The following DOP1B variants were observed in gnomAD, a reference collection of about 807,000 sequenced individuals.
DOP1B encodes the protein DOP1 leucine zipper like protein B.
In DOP1B, 174 loss-of-function variants were observed where a neutral mutation model predicts 233.5. The ratio of observed to expected loss-of-function variants is 0.75; its 90% CI spans 0.66 to 0.85. The LOEUF is 0.85. Among genes scored for constraint, DOP1B ranks in the 40% least tolerant of loss-of-function variants. The pLI, the probability that DOP1B is intolerant of heterozygous loss-of-function variation, is 0.00. For synonymous variants in DOP1B, 1,190 were observed against 1,185.6 expected, an observed-to-expected ratio of 1.00 and a Z score of -0.08; for missense variants, 2,652 against 2,846.6, an observed-to-expected ratio of 0.93 and a Z score of 1.56.
intron 2 of DOP1B, among the ~76,000 whole-genome samples, chr21:36,165,567 G>A (rs570028162): frequency 3.3e-5 from 5 of 152,274 alleles, no homozygotes; most frequent in South Asian, 2.1e-4. Flanking sequence ...GAACCGGGAC[G>A]CACAGCAGGA....
Position 36,208,898 on chromosome 21 carries a change from A to G in DOP1B, c.675A>G (p.Gln225=), listed in dbSNP as rs1484142145. The G allele has an allele frequency of 2.0e-6, 3 of 1,524,466 alleles. No homozygotes were observed. Among genetic ancestry groups the G allele is most frequent in the East Asian group, 4.9e-5 (2 of 41,106 alleles). The allele number at this position is 1,524,466 out of a possible 1,614,324, so 94.4% of individuals were successfully genotyped here. A position where few individuals can be genotyped will look rare whatever the true frequency, so the allele number is the denominator to read the frequency against. ...EQKYMLGTNH[Q]LTVKSLRASL... is the part of the protein sequence containing the mutation. ...AGTACATGCTGGGGACCAATCACCA[A>G]CTCACGGTGGGTGCTGTGTTCCTCA... Residue 225 remains glutamine (Q), a synonymous_variant, in exon 5 of 37, where the codon CAA becomes CAG. Coordinates refer to ENST00000691173, the MANE Select transcript of DOP1B (RefSeq NM_001320714.2).
chr21:36,262,891 A>T (rs11908713), intron 24 of DOP1B, among the ~76,000 whole-genome samples: 26,046 of 147,880 alleles, frequency 0.18, 3,141 homozygotes, highest in African/African-American at 0.33. Context: ...ACTCTATCTT[A>T]AAAAACAATA....
intron 2 of DOP1B, among the ~76,000 whole-genome samples, chr21:36,182,784 G>C (rs1479732472): frequency 6.6e-6 from 1 of 152,176 alleles, no homozygotes; most frequent in African/African-American, 2.4e-5. Context: ...AGCCATGTTT[G>C]CACAACTGTC....
rs78154894 is a variant in DOP1B, at chr21:36,242,151, C to CATTATTATTATTATTATTATT, written c.3067+2215_3067+2235dup. 5.2e-4 allele frequency among the ~76,000 whole-genome samples: 75 copies of CATTATTATTATTATTATTATT among 143,952 alleles called. 1 individual carries two copies. Among genetic ancestry groups the CATTATTATTATTATTATTATT allele is most frequent in the African/African-American group, 1.0e-3 (39 of 38,902 alleles). The allele number at this position is 143,952 out of a possible 152,430, so 94.4% of individuals were successfully genotyped here. ...AGCTCTATCTCCACAGTTCCTTGGG[C>CATTATTATTATTATTATTATT]ATTATTATTATTATTATTATTATTA... is the stretch of plus-strand genomic sequence containing the variant. On this transcript the variant is annotated intron_variant, in intron 18 of 36. Transcript: ENST00000691173.
At chr21:36,200,565 C>T (rs780706144) in intron 4 of DOP1B, 64 bp downstream of exon 4, 11 of 1,514,144 alleles carry the variant, frequency 7.3e-6, no homozygotes, top group East Asian at 2.3e-5. Context: ...GGGAGGGGGC[C>T]GGGCGCAGTG....
chr21:36,275,225 A>G (rs994658547), intron 27 of DOP1B, among the ~76,000 whole-genome samples: 2 of 152,192 alleles, frequency 1.3e-5, no homozygotes, highest in South Asian at 4.1e-4. Flanking sequence ...AAATTAATTC[A>G]AGAGAGAGGA....
At chr21:36,241,293 C>CA (rs796961195) in intron 18 of DOP1B, among the ~76,000 whole-genome samples, 71 of 143,844 alleles carry the variant, frequency 4.9e-4, no homozygotes, top group East Asian at 3.0e-3. Context: ...GACTCCATCT[C>CA]AAAAAAAAAA....
intron 12 of DOP1B, among the ~76,000 whole-genome samples, chr21:36,227,466 G>C (rs1261964657): frequency 2.6e-5 from 4 of 151,422 alleles, no homozygotes; most frequent in Non-Finnish European, 4.4e-5. Context: ...AGAATGGCGT[G>C]AACCCGGGAG....
intron 4 of DOP1B, among the ~76,000 whole-genome samples, chr21:36,204,658 ATT>A (rs56725433): frequency 1.8e-4 from 21 of 115,144 alleles, no homozygotes; most frequent in African/African-American, 4.4e-4. Context: ...TGACATTTCT[ATT>A]TTTTTTTTTT....
At chr21:36,222,935 A>G (rs1239771445) in intron 10 of DOP1B, among the ~76,000 whole-genome samples, 1 of 152,028 alleles carries the variant, frequency 6.6e-6, no homozygotes, top group East Asian at 1.9e-4. Context: ...GGGTTTCACC[A>G]TGTTGGTCAA....
chr21:36,207,613 A>G (rs2066444691), intron 4 of DOP1B, among the ~76,000 whole-genome samples: 1 of 151,162 alleles, frequency 6.6e-6, no homozygotes, highest in African/African-American at 2.4e-5. Flanking sequence ...CAGATGTTAA[A>G]CTGGTCCTAG....
At chr21:36,218,767 G>A (rs1045596530) in intron 9 of DOP1B, among the ~76,000 whole-genome samples, 6 of 152,208 alleles carry the variant, frequency 3.9e-5, no homozygotes, top group Non-Finnish European at 7.3e-5. Context: ...TTGCGGAGCA[G>A]CAATGCCCTG....
At chr21:36,188,136 T>C (rs2066186991) in intron 2 of DOP1B, among the ~76,000 whole-genome samples, 1 of 152,234 alleles carries the variant, frequency 6.6e-6, no homozygotes, top group African/African-American at 2.4e-5. Context: ...TAACTCATGC[T>C]GAGAGCTGAT....
intron 1 of DOP1B, among the ~76,000 whole-genome samples, chr21:36,159,595 G>A (rs949751441): frequency 1.3e-5 from 2 of 152,214 alleles, no homozygotes; most frequent in African/African-American, 4.8e-5. Context: ...CTTCTCTCGT[G>A]TGCTGGTAGT....
intron 7 of DOP1B, 26 bp from the exon 8 acceptor site, chr21:36,214,055 A>G (rs1365796016): frequency 6.5e-7 from 1 of 1,547,800 alleles, no homozygotes; most frequent in South Asian, 1.2e-5. Flanking sequence ...AGCTCTCTTT[A>G]CAGCTCGGCG....
At chr21:36,269,628 C>G (rs929767278) in intron 26 of DOP1B, among the ~76,000 whole-genome samples, 1 of 152,078 alleles carries the variant, frequency 6.6e-6, no homozygotes, top group Non-Finnish European at 1.5e-5. Flanking sequence ...TCAAGCGATT[C>G]TCTTGCCTAA....
intron 24 of DOP1B, among the ~76,000 whole-genome samples, chr21:36,262,953 G>A (rs1232194623): frequency 6.7e-6 from 1 of 148,686 alleles, no homozygotes; most frequent in African/African-American, 2.5e-5. Flanking sequence ...ATAGAAGAAA[G>A]GCCGGGCGCA....
At chr21:36,168,942 C>A in intron 2 of DOP1B, 2 of 646,122 alleles carry the variant, frequency 3.1e-6, no homozygotes, top group Non-Finnish European at 5.6e-6. Context: ...TATTGAGACC[C>A]CACCAGGTGC....
intron 24 of DOP1B, chr21:36,261,773 G>A (rs2067174611): frequency 3.2e-6 from 2 of 622,102 alleles, no homozygotes; most frequent in Non-Finnish European, 2.0e-6. Flanking sequence ...GCCAGGGCTT[G>A]GTGGCAGCAT....
Sources: gnomAD v4.1 joint callset for allele counts (sites outside exome capture counted in the v4.1 genomes callset) on GRCh38, gnomAD v4.1.1 for gene constraint, MANE v1.5 for transcripts, NCBI Gene and HGNC (gene_info 2026-07-23, HGNC 2026-07-21) for gene names.